CSMD1: variants seen among roughly 807,000 people sequenced by gnomAD.
CSMD1 encodes CUB and Sushi multiple domains 1, also known as CUB and sushi domain-containing protein 1.
CSMD1 carries 213 observed loss-of-function variants against 417.5 expected under a neutral mutation model. The observed-to-expected ratio is 0.51, with a 90% CI of 0.46 to 0.57. CSMD1 has a LOEUF of 0.57. CSMD1 is among the 20% of genes least tolerant of loss of function. CSMD1 has a pLI of 0.00. For missense variants in CSMD1, 6,923 were observed against 4,529.7 expected (o/e 1.53, Z -15.17); for synonymous variants, 2,862 against 1,736.8 (o/e 1.65, Z -16.11).
chr8:3,236,466 T>C (rs1799163228), intron 26 of CSMD1, among the ~76,000 whole-genome samples: 2 of 152,290 alleles, frequency 1.3e-5, no homozygotes, highest in South Asian at 4.1e-4. Flanking sequence ...TTTTAAACAA[T>C]GTAGTGCAGA....
At chr8:3,638,497 A>T (rs1797151088) in intron 7 of CSMD1, among the ~76,000 whole-genome samples, 1 of 152,104 alleles carries the variant, frequency 6.6e-6, no homozygotes, top group Non-Finnish European at 1.5e-5. Flanking sequence ...GATGATAATG[A>T]TGACAAGATT....
chr8:3,519,664 C>G (rs1051910129), intron 10 of CSMD1, among the ~76,000 whole-genome samples: 5 of 152,182 alleles, frequency 3.3e-5, no homozygotes, highest in African/African-American at 1.2e-4. Context: ...TATCAAGCAG[C>G]ATGCAGGCCA....
chr8:3,306,447 T>G (rs933590931), intron 25 of CSMD1, among the ~76,000 whole-genome samples: 8 of 152,206 alleles, frequency 5.3e-5, no homozygotes, highest in African/African-American at 1.9e-4. Context: ...GTGTTAGGCA[T>G]GAGCCACTGT....
intron 1 of CSMD1, among the ~76,000 whole-genome samples, chr8:4,682,507 G>C (rs111786422): frequency 1.3e-5 from 2 of 151,958 alleles, no homozygotes; most frequent in Admixed American, 6.6e-5. Context: ...ACAGGAAAAA[G>C]AATGTTTTTC....
chr8:4,179,509 T>C (rs1584968125), intron 3 of CSMD1, among the ~76,000 whole-genome samples: 1 of 150,436 alleles, frequency 6.6e-6, no homozygotes, highest in East Asian at 2.0e-4. Flanking sequence ...ATTCAGGACG[T>C]AGGCATGGGC....
intron 2 of CSMD1, among the ~76,000 whole-genome samples, chr8:4,458,421 T>C (rs913063920): frequency 3.3e-5 from 5 of 152,226 alleles, no homozygotes; most frequent in Non-Finnish European, 2.9e-5. Flanking sequence ...GCAGTGATTT[T>C]TATCAGTTGG....
intron 43 of CSMD1, 65 bp downstream of exon 43, chr8:3,110,093 T>C (rs1816404924): frequency 1.5e-6 from 2 of 1,330,300 alleles, no homozygotes; most frequent in South Asian, 1.5e-5. Flanking sequence ...ATAAGTGGCA[T>C]ATGTATGCTA....
chr8:4,259,226 A>G (rs867953833), intron 3 of CSMD1, among the ~76,000 whole-genome samples: 1 of 152,190 alleles, frequency 6.6e-6, no homozygotes, highest in Admixed American at 6.5e-5. Flanking sequence ...AATCGCAGAG[A>G]GAATGCGGGA....
intron 12 of CSMD1, among the ~76,000 whole-genome samples, chr8:3,450,937 T>C (rs1181909373): frequency 1.3e-5 from 2 of 152,106 alleles, no homozygotes. Context: ...ACCAACAGTG[T>C]AAAAGTGTTC....
chr8:4,264,322 T>A (rs940731583), intron 3 of CSMD1, among the ~76,000 whole-genome samples: 1 of 152,184 alleles, frequency 6.6e-6, no homozygotes, highest in Non-Finnish European at 1.5e-5. Context: ...TGACATTCAA[T>A]TTTCAGGAAA....
chr8:3,121,176 T>A (rs1394735631), intron 41 of CSMD1, among the ~76,000 whole-genome samples: 1 of 152,118 alleles, frequency 6.6e-6, no homozygotes, highest in African/African-American at 2.4e-5. Flanking sequence ...GATTTCTGTG[T>A]ATTTATTTAT....
chr8:4,584,384 T>G (rs989291260), intron 2 of CSMD1, among the ~76,000 whole-genome samples: 1 of 152,000 alleles, frequency 6.6e-6, no homozygotes, highest in Non-Finnish European at 1.5e-5. Context: ...TCGCTTGCTA[T>G]TCTGTCCTAT....
chr8:3,052,101 C>A (rs9314471), intron 50 of CSMD1, among the ~76,000 whole-genome samples: 102,495 of 152,024 alleles, frequency 0.67, 36,513 homozygotes, highest in East Asian at 0.81. Context: ...GATTGTGTTA[C>A]ATTATGTTTT....
intron 20 of CSMD1, among the ~76,000 whole-genome samples, chr8:3,362,546 G>A (rs1180755187): frequency 1.3e-5 from 2 of 152,250 alleles, no homozygotes; most frequent in South Asian, 2.1e-4. Flanking sequence ...AACTTCTGCT[G>A]CCCCATGTGT....
chr8:3,958,669 T>G (rs1996897), intron 5 of CSMD1, among the ~76,000 whole-genome samples: 1 of 151,902 alleles, frequency 6.6e-6, no homozygotes, highest in South Asian at 2.1e-4. Flanking sequence ...AAAAACAAAA[T>G]GTCAAAGAGG....
In CSMD1 at chr8:3,600,069, G is replaced by A. The variant is rs534953924; in HGVS notation, c.1098-13809C>T. Among the ~76,000 whole-genome samples, 28 of 152,300 alleles carry A rather than the reference G, an allele frequency of 1.8e-4. No homozygotes were observed. The East Asian group carries it at 5.2e-3, about 28-fold the overall frequency. ...ACTAAGGGTAGAGCTGGTTCTGAAT[G>A]CTTGCTGAACACTTAAGAAAAGTCT... On this transcript the variant is annotated intron_variant, in intron 8 of 69. Coordinates refer to ENST00000635120, the MANE Select transcript of CSMD1 (RefSeq NM_033225.6).
At chr8:4,527,256 A>G (rs1188585961) in intron 2 of CSMD1, among the ~76,000 whole-genome samples, 2 of 152,144 alleles carry the variant, frequency 1.3e-5, no homozygotes, top group African/African-American at 2.4e-5. Flanking sequence ...TAGCATTAGG[A>G]GTCTTTTTTG....
intron 2 of CSMD1, among the ~76,000 whole-genome samples, chr8:4,587,936 A>C (rs959831687): frequency 6.6e-6 from 1 of 152,214 alleles, no homozygotes; most frequent in Non-Finnish European, 1.5e-5. Flanking sequence ...CAGTGATAGA[A>C]GGAGATTGTG....
At chr8:3,671,183 G>A (rs1461076778) in intron 7 of CSMD1, among the ~76,000 whole-genome samples, 1 of 146,932 alleles carries the variant, frequency 6.8e-6, no homozygotes, top group Admixed American at 6.9e-5. Context: ...ATATGTATAT[G>A]GTATATATAG....
Sources: gnomAD v4.1 joint callset for allele counts (sites outside exome capture counted in the v4.1 genomes callset) on GRCh38, gnomAD v4.1.1 for gene constraint, MANE v1.5 for transcripts, NCBI Gene and HGNC (gene_info 2026-07-23, HGNC 2026-07-21) for gene names.